PIWIL3: variants seen among roughly 807,000 people sequenced by gnomAD.
PIWIL3 encodes piwi like RNA-mediated gene silencing 3.
PIWIL3 carries 101 observed loss-of-function variants against 109.7 expected under a neutral mutation model. The ratio of observed to expected loss-of-function variants is 0.92; its 90% CI spans 0.78 to 1.09. The LOEUF is 1.09. Ranked by LOEUF, PIWIL3 falls within the 50% of genes least tolerant of loss-of-function variation. The probability of loss-of-function intolerance (pLI) is 0.00; values close to 1 mark genes in which losing one functional copy is unlikely to be tolerated. For synonymous variants in PIWIL3, 373 were observed against 376.4 expected (o/e 0.99, Z 0.10); for missense variants, 1,031 against 1,072.6 (o/e 0.96, Z 0.54).
chr22:24,757,874 A>C (rs892660984), intron 4 of PIWIL3, 34 bp downstream of exon 4: 7 of 1,553,972 alleles, frequency 4.5e-6, no homozygotes, highest in Admixed American at 4.4e-5. Context: ...AAAAACGAAC[A>C]GCTCCATAAA....
rs369309973 is a variant in PIWIL3 at position 24,723,271 on chromosome 22, G to A, written c.2232-16C>T. 27 of 1,602,830 alleles carry A rather than the reference G, an allele frequency of 1.7e-5. No individual in the cohort carries two copies. In the African/African-American group the frequency reaches 3.5e-4, roughly 21 times the overall value. On this transcript the variant is annotated splice_polypyrimidine_tract_variant and intron_variant, in intron 18 of 20. Coordinates refer to ENST00000616349, the MANE Select transcript of PIWIL3 (RefSeq NM_001255975.1). ...TAGAGTGAAACTTAAAAAAATTAGGGTAAGTGTCACTATGTTTACTCAGTC... is the reference window on the plus strand; with the variant it reads ...TAGAGTGAAACTTAAAAAAATTAGGATAAGTGTCACTATGTTTACTCAGTC...
At chr22:24,762,734 G>A (rs78073886) in intron 1 of PIWIL3, among the ~76,000 whole-genome samples, 7 of 152,158 alleles carry the variant, frequency 4.6e-5, no homozygotes, top group African/African-American at 1.7e-4. Flanking sequence ...AAGCAAAAGT[G>A]GGGGAGAGAT....
At chr22:24,767,551 C>T (rs1167376042) in intron 1 of PIWIL3, among the ~76,000 whole-genome samples, 1 of 112,338 alleles carries the variant, frequency 8.9e-6, no homozygotes, top group Non-Finnish European at 1.9e-5. Flanking sequence ...AACTCTGTCT[C>T]AAAAAAAAAA....
rs1263165298 is a variant in PIWIL3, at chr22:24,728,021, A to T, written c.1938T>A (p.Cys646Ter). The T allele has an allele frequency of 6.2e-7, 1 of 1,614,008 alleles. No individual in the cohort carries two copies. Among genetic ancestry groups the T allele is most frequent in the Non-Finnish European group, 8.5e-7 (1 of 1,180,022 alleles). ...TCTGTCGATTTACGATATCGTGGAA[A>T]CAATCAATGCCAACGAACATTGTTC... ...VQRTMFVGID[C>*]FHDIVNRQKS... The change falls in exon 16 of 21, where the codon TGT (cysteine) becomes TGA (stop). Residue 646 changes from cysteine (C) to a stop codon, truncating the protein, a stop_gained. Transcript: ENST00000616349. LOFTEE classifies it high-confidence loss of function.
At chr22:24,753,698 T>G (rs1169545359) in intron 8 of PIWIL3, among the ~76,000 whole-genome samples, 2 of 152,196 alleles carry the variant, frequency 1.3e-5, no homozygotes, top group Non-Finnish European at 2.9e-5. Context: ...GGGTTATAAC[T>G]AAGCACTGAT....
Position 24,755,852 on chromosome 22 carries a change from A to G in PIWIL3, c.624T>C (p.Val208=), listed in dbSNP as rs770848830. 3.1e-6 allele frequency: 5 copies of G among 1,614,048 alleles called. No homozygotes were observed. Among genetic ancestry groups the G allele is most frequent in the Non-Finnish European group, 4.2e-6 (5 of 1,179,920 alleles). Residue 208 remains valine (V), a synonymous_variant, in exon 6 of 21, where the codon GTT becomes GTC. Transcript: ENST00000616349. ...TGGGCGTGAGTTCTTTGGAAAACTC[A>G]ACTGTAATCTTCACGATGTTTTTGT... ...TKDKNIVKIT[V]EFSKELTPTS...
chr22:24,749,493 A>G lies in PIWIL3; in HGVS notation c.1245T>C (p.Tyr415=). Residue 415 remains tyrosine, a synonymous_variant, in exon 11 of 21, where the codon TAT becomes TAC. Transcript: ENST00000616349. ...TGLTDEICKD[Y]SIVKELAKHT... ...GTTTAGCCAATTCTTTCACAATGCT[A>G]TAATCTTTACATATTTCATCTGTTA... The G allele has an allele frequency of 6.2e-7, 1 of 1,613,516 alleles. No individual in the cohort carries two copies. Among genetic ancestry groups the G allele is most frequent in the South Asian group, 1.1e-5 (1 of 91,076 alleles).
At chr22:24,764,900 G>A (rs1925698823) in intron 1 of PIWIL3, among the ~76,000 whole-genome samples, 1 of 152,120 alleles carries the variant, frequency 6.6e-6, no homozygotes, top group Non-Finnish European at 1.5e-5. Context: ...GGAACAGTGT[G>A]GTTTGGGAGA....
intron 5 of PIWIL3, 110 bp from the exon 6 acceptor site, chr22:24,756,015 T>C: frequency 1.7e-6 from 2 of 1,180,342 alleles, no homozygotes; most frequent in Non-Finnish European, 1.2e-6. Flanking sequence ...ACCATCGTGA[T>C]GGAGCAGTCT....
At position 24,719,580 on chromosome 22, in the gene PIWIL3, GA is replaced by G. The variant is rs1482574214; in HGVS notation, c.2513del (p.Ile838ThrfsTer43). 6.3e-7 allele frequency: 1 copy of G among 1,591,084 alleles called. No individual in the cohort carries two copies. Among genetic ancestry groups the G allele is most frequent in the South Asian group, 1.2e-5 (1 of 86,832 alleles). ...CHMYYNLPGI[I>X]RVPAPCHYAH... Reference sequence around the variant, plus strand: ...CATAGTGGCAAGGCGCTGGAACTCGGATGATGCCCTTTAGTAGGAAAAGAAA... The same window carrying G: ...CATAGTGGCAAGGCGCTGGAACTCGGTGATGCCCTTTAGTAGGAAAAGAAA... On this transcript the variant is annotated frameshift_variant, in exon 21 of 21. Coordinates refer to ENST00000616349, the MANE Select transcript of PIWIL3 (RefSeq NM_001255975.1). LOFTEE classifies it low-confidence loss of function (END_TRUNC).
intron 18 of PIWIL3, among the ~76,000 whole-genome samples, chr22:24,723,929 C>T (rs759123301): frequency 2.2e-4 from 33 of 152,266 alleles, no homozygotes; most frequent in Admixed American, 5.2e-4. Context: ...CTGCCTGCCT[C>T]GGCCTCCCAA....
chr22:24,726,309 GTCTCGC>G (rs1470535119), intron 16 of PIWIL3, among the ~76,000 whole-genome samples: 1 of 150,216 alleles, frequency 6.7e-6, no homozygotes, highest in Non-Finnish European at 1.5e-5. Context: ...TTGAAACGGA[GTCTCGC>G]TCTGTCACCC....
intron 8 of PIWIL3, 24 bp downstream of exon 8, chr22:24,753,990 T>C (rs771266289): frequency 1.3e-6 from 2 of 1,555,082 alleles, no homozygotes; most frequent in South Asian, 1.1e-5. Flanking sequence ...AGTGATTGGA[T>C]AGGTTTTTAA....
chr22:24,741,571 G>A (rs778422500), intron 12 of PIWIL3, among the ~76,000 whole-genome samples: 40 of 152,008 alleles, frequency 2.6e-4, no homozygotes, highest in Non-Finnish European at 5.4e-4. Flanking sequence ...CAGCAAAATC[G>A]GCATAGAAGG....
intron 7 of PIWIL3, 82 bp downstream of exon 7, chr22:24,754,702 C>T (rs1924917248): frequency 8.4e-7 from 1 of 1,185,040 alleles, no homozygotes; most frequent in African/African-American, 1.5e-5. Flanking sequence ...AGGCATACCA[C>T]TTCAAATATG....
At chr22:24,751,343 A>G (rs772507998) in intron 9 of PIWIL3, 44 bp downstream of exon 9, 1 of 1,528,616 alleles carries the variant, frequency 6.5e-7, no homozygotes, top group Non-Finnish European at 8.9e-7. Flanking sequence ...GAAATACATG[A>G]AGGTTTACAA....
intron 14 of PIWIL3, among the ~76,000 whole-genome samples, chr22:24,731,023 G>C (rs554562374): frequency 1.3e-5 from 2 of 152,258 alleles, no homozygotes; most frequent in African/African-American, 4.8e-5. Context: ...AGCTAAAAAA[G>C]TCAGTGCCCT....
chr22:24,762,489 C>T lies in PIWIL3; in HGVS notation c.11G>A (p.Arg4Lys), dbSNP rs1404134074. ...TCTGCCTCGGGCGCGAGTCCTTGCC[C>T]TACCAGGCATTGTGGTCCTGAAGGT... MPGRARTRARGRAR... is the reference protein window; with the variant it reads MPGKARTRARGRAR... The change falls in exon 2 of 21, where the codon AGG (arginine) becomes AAG (lysine). Residue 4 changes from arginine to lysine, a missense_variant. Physicochemically the swap from Arg to Lys is conservative, Grantham distance 26 (BLOSUM62 2). Transcript: ENST00000616349. 29 of 1,612,708 alleles carry T rather than the reference C, an allele frequency of 1.8e-5. No homozygotes were observed. Among genetic ancestry groups the T allele is most frequent in the Non-Finnish European group, 2.5e-5 (29 of 1,179,602 alleles).
In PIWIL3 at chr22:24,753,985, T is replaced by G. The variant is rs374798730; in HGVS notation, c.977+29A>C. On this transcript the variant is annotated intron_variant, in intron 8 of 20. Transcript: ENST00000616349. The stretch of plus-strand genomic sequence containing the variant: ...GTGGGGGAAGGGGGAGTTAAAGTGA[T>G]TGGATAGGTTTTTAAAAGACAGACT... 849 of 1,545,600 alleles carry G rather than the reference T, an allele frequency of 5.5e-4. 1 individual carries two copies. Among genetic ancestry groups the G allele is most frequent in the Admixed American group, 1.3e-3 (79 of 59,756 alleles).
Sources: allele counts gnomAD v4.1 joint callset (sites outside exome capture counted in the v4.1 genomes callset), GRCh38; gene constraint gnomAD v4.1.1; transcripts MANE v1.5; gene names NCBI Gene and HGNC (gene_info 2026-07-23, HGNC 2026-07-21).